Variants in FRMD4A observed in about 807,000 individuals in gnomAD.
FRMD4A encodes FERM domain containing 4A, also known as FERM domain-containing protein 4A.
In FRMD4A, 29 loss-of-function variants were observed where a neutral mutation model predicts 129.1. That is an observed-to-expected ratio of 0.22 (90% CI 0.17 to 0.31). FRMD4A has a LOEUF of 0.31. Among genes scored for constraint, FRMD4A ranks in the 10% least tolerant of loss-of-function variants. The pLI is 1.00. For synonymous variants in FRMD4A, 634 were observed against 571.6 expected (o/e 1.11, Z -1.56); for missense variants, 1,272 against 1,375.8 (o/e 0.92, Z 1.19).
At chr10:14,284,565 A>G (rs1308512110) in intron 2 of FRMD4A, among the ~76,000 whole-genome samples, 1 of 152,174 alleles carries the variant, frequency 6.6e-6, no homozygotes, top group Non-Finnish European at 1.5e-5. Flanking sequence ...AGGCAGGAGA[A>G]TCATCTGAAC....
In FRMD4A at chr10:13,864,566, CTTCT is replaced by C. The variant is rs1437528040; in HGVS notation, c.46-5658_46-5655del. 2.5e-4 allele frequency among the ~76,000 whole-genome samples: 37 copies of C among 150,332 alleles called. 1 individual carries two copies. The East Asian group carries it at 5.5e-3, about 22-fold the overall frequency. ...CCCTTTGCAAAATAATTTCTTCTTC[CTTCT>C]TTCTTTCTTTTTTTTTTTTTTTTGA... On this transcript the variant is annotated intron_variant, in intron 2 of 24. Transcript: ENST00000357447.
chr10:14,250,290 T>A (rs1310588676), intron 2 of FRMD4A, among the ~76,000 whole-genome samples: 1 of 152,138 alleles, frequency 6.6e-6, no homozygotes, highest in Non-Finnish European at 1.5e-5. Flanking sequence ...CTCCTCCTCA[T>A]AAAAACTGTG....
intron 2 of FRMD4A, among the ~76,000 whole-genome samples, chr10:14,310,452 A>T (rs796984620): frequency 1.5e-4 from 23 of 152,326 alleles, no homozygotes; most frequent in African/African-American, 5.3e-4. Context: ...CAGCCTGAAA[A>T]ATTGAGCTGC....
chr10:14,301,483 T>G (rs1407092742), intron 2 of FRMD4A, among the ~76,000 whole-genome samples: 1 of 152,186 alleles, frequency 6.6e-6, no homozygotes, highest in Non-Finnish European at 1.5e-5. Flanking sequence ...ATGCCTCTAT[T>G]TTACTTTTGA....
intron 2 of FRMD4A, among the ~76,000 whole-genome samples, chr10:14,312,440 T>A (rs990519556): frequency 9.2e-5 from 14 of 152,198 alleles, no homozygotes; most frequent in Non-Finnish European, 1.3e-4. Context: ...GATAATTTTA[T>A]AATATCTACA....
intron 2 of FRMD4A, among the ~76,000 whole-genome samples, chr10:13,993,177 A>T (rs11258783): frequency 0.29 from 43,470 of 151,970 alleles, 7,387 homozygotes; most frequent in East Asian, 0.73. Context: ...TGGATGTGAC[A>T]AGTGTGAGCT....
intron 9 of FRMD4A, among the ~76,000 whole-genome samples, chr10:13,747,175 T>TTA (rs1554879211): frequency 6.1e-5 from 9 of 147,552 alleles, no homozygotes; most frequent in South Asian, 4.3e-4. Flanking sequence ...TTTTGAAAAT[T>TTA]AAAAAAAAAA....
intron 3 of FRMD4A, among the ~76,000 whole-genome samples, chr10:13,836,947 C>A (rs1321864530): frequency 6.6e-6 from 1 of 151,996 alleles, no homozygotes; most frequent in Non-Finnish European, 1.5e-5. Context: ...TTAGTAGAGA[C>A]GGGGTTTCAC....
intron 2 of FRMD4A, among the ~76,000 whole-genome samples, chr10:13,876,668 A>G (rs1262517415): frequency 1.3e-5 from 2 of 152,198 alleles, no homozygotes; most frequent in African/African-American, 2.4e-5. Flanking sequence ...GAGACACAGT[A>G]TTATTTACAA....
rs753480454 is a variant in FRMD4A at position 13,666,250 on chromosome 10, T to C, written c.1450A>G (p.Ser484Gly). 6 of 1,614,172 alleles carry C rather than the reference T, an allele frequency of 3.7e-6. No homozygotes were observed. Among genetic ancestry groups the C allele is most frequent in the Non-Finnish European group, 5.1e-6 (6 of 1,179,998 alleles). Residue 484 changes from serine to glycine, a missense_variant, in exon 18 of 25, where the codon AGT (serine) becomes GGT (glycine). By Grantham distance (56) the Ser-to-Gly change is moderately conservative (BLOSUM62 0). Coordinates refer to ENST00000357447, the MANE Select transcript of FRMD4A (RefSeq NM_018027.5). ...AGTTTTTTGCTGACGTTGGGGTCAC[T>C]GGCTAGGCGGCGGGCGGCCTCCGTA... ...QITEAARRLA[S>G]DPNVSKKLKK...
chr10:13,729,854 G>T lies in FRMD4A; in HGVS notation c.759+7990C>A, dbSNP rs115712051. On this transcript the variant is annotated intron_variant, in intron 12 of 24. Transcript: ENST00000357447. ...TGTTGCTATTTCTTCCCAGGGGGGA[G>T]ATTTCATTAAATCTGGGCTGCATTT... Among the ~76,000 whole-genome samples the T allele has an allele frequency of 2.7e-3, 418 of 152,332 alleles. 2 individuals carry two copies. Among genetic ancestry groups the T allele is most frequent in the African/African-American group, 9.5e-3 (397 of 41,574 alleles).
intron 8 of FRMD4A, among the ~76,000 whole-genome samples, chr10:13,751,167 G>T (rs975940479): frequency 1.3e-5 from 2 of 152,186 alleles, no homozygotes; most frequent in African/African-American, 2.4e-5. Flanking sequence ...GGGGAAGGAA[G>T]GAACTCCAGG....
intron 2 of FRMD4A, among the ~76,000 whole-genome samples, chr10:13,885,625 C>T (rs1427775145): frequency 1.5e-4 from 23 of 152,214 alleles, no homozygotes; most frequent in Admixed American, 1.5e-3. Context: ...ATCACATATG[C>T]ACGTGGTTTG....
chr10:14,214,714 A>G (rs539738072), intron 2 of FRMD4A, among the ~76,000 whole-genome samples: 1 of 152,332 alleles, frequency 6.6e-6, no homozygotes, highest in Non-Finnish European at 1.5e-5. Flanking sequence ...TGTGTTTGAT[A>G]TATTTCCCAT....
intron 2 of FRMD4A, among the ~76,000 whole-genome samples, chr10:14,018,938 T>C (rs1832606770): frequency 6.6e-6 from 1 of 152,124 alleles, no homozygotes; most frequent in Admixed American, 6.5e-5. Flanking sequence ...AACAAGAGAA[T>C]ACCGATCACT....
chr10:13,908,164 TAAAAAAAA>T (rs58370207), intron 2 of FRMD4A, among the ~76,000 whole-genome samples: 4 of 41,086 alleles, frequency 9.7e-5, no homozygotes, highest in Admixed American at 4.4e-4. Flanking sequence ...AAACTCCATC[TAAAAAAAA>T]AAAAAAAAAA....
intron 2 of FRMD4A, among the ~76,000 whole-genome samples, chr10:14,057,451 CTTCAA>C (rs1834590086): frequency 6.6e-6 from 1 of 152,188 alleles, no homozygotes; most frequent in Admixed American, 6.5e-5. Flanking sequence ...TTTGTTACTG[CTTCAA>C]TTCAAGAAAT....
At chr10:14,085,681 A>G (rs1238793298) in intron 2 of FRMD4A, among the ~76,000 whole-genome samples, 2 of 152,146 alleles carry the variant, frequency 1.3e-5, no homozygotes, top group Admixed American at 6.5e-5. Context: ...AATGGCAACT[A>G]TCTTCCCATC....
At chr10:14,031,177 C>A (rs1028397788) in intron 2 of FRMD4A, among the ~76,000 whole-genome samples, 1 of 152,168 alleles carries the variant, frequency 6.6e-6, no homozygotes, top group Non-Finnish European at 1.5e-5. Flanking sequence ...GGCTTCACCA[C>A]GTGGACTTTC....
Sources: gnomAD v4.1 joint callset for allele counts (sites outside exome capture counted in the v4.1 genomes callset) on GRCh38, gnomAD v4.1.1 for gene constraint, MANE v1.5 for transcripts, NCBI Gene and HGNC (gene_info 2026-07-23, HGNC 2026-07-21) for gene names.